The following ZC3H7B variants were observed in gnomAD, a reference collection of about 807,000 sequenced individuals.
ZC3H7B encodes zinc finger CCCH domain-containing protein 7B.
ZC3H7B carries 35 observed loss-of-function variants against 116.0 expected under a neutral mutation model. That is an observed-to-expected ratio of 0.30 (90% CI 0.23 to 0.40). The LOEUF (loss-of-function observed/expected upper bound fraction) is 0.40, where lower values mean the gene tolerates loss of function less well. Ranked by LOEUF, ZC3H7B falls within the 10% of genes least tolerant of loss-of-function variation. The pLI is 1.00. For synonymous variants in ZC3H7B, 502 were observed against 545.6 expected (o/e 0.92, Z 1.11); for missense variants, 1,011 against 1,321.5 (o/e 0.77, Z 3.64).
intron 1 of ZC3H7B, among the ~76,000 whole-genome samples, chr22:41,313,783 C>T (rs550605402): frequency 6.6e-6 from 1 of 152,122 alleles, no homozygotes; most frequent in African/African-American, 2.4e-5. Context: ...CTCTCTGTCG[C>T]TCAGGCTGGA....
intron 7 of ZC3H7B, chr22:41,336,188 G>A (rs1323397406): frequency 1.3e-5 from 2 of 152,292 alleles, no homozygotes; most frequent in Non-Finnish European, 2.9e-5. Flanking sequence ...GGGAACTGTT[G>A]AACGAAACAG....
In ZC3H7B at chr22:41,333,590, C is replaced by T. The variant is rs550421789; in HGVS notation, c.582+1363C>T. ...GCAGTGAGCCGAGATCGCGCCATTA[C>T]ACTCCAGCCTGAGAGACAGAATGAG... is the stretch of plus-strand genomic sequence containing the variant. On this transcript the variant is annotated intron_variant, in intron 7 of 22. Transcript: ENST00000352645. 2.6e-5 allele frequency: 4 copies of T among 152,266 alleles called. No homozygotes were observed. In the Middle Eastern group the frequency reaches 0.01, roughly 388 times the overall value. 9.4% of individuals were successfully genotyped at this position (152,266 alleles called of 1,614,324 possible). A position where few individuals can be genotyped will look rare whatever the true frequency, so the allele number is the denominator to read the frequency against.
Position 41,355,040 on chromosome 22 carries a change from T to C in ZC3H7B, c.2035-429T>C, listed in dbSNP as rs551727268. Reference sequence around the variant, plus strand: ...TGTGGGAGCTCACTGAATGGACAGCTGCAGCTTAGGAGAGCTCCGGGGCAG... The same window carrying C: ...TGTGGGAGCTCACTGAATGGACAGCCGCAGCTTAGGAGAGCTCCGGGGCAG... On this transcript the variant is annotated intron_variant, in intron 17 of 22. Transcript: ENST00000352645. 1.2e-4 allele frequency among the ~76,000 whole-genome samples: 19 copies of C among 152,324 alleles called. 1 individual carries two copies. The East Asian group carries it at 1.9e-3, about 15-fold the overall frequency.
At position 41,349,082 on chromosome 22, in the gene ZC3H7B, G is replaced by A. The variant is rs768567444; in HGVS notation, c.1767-38G>A. The stretch of plus-strand genomic sequence containing the variant: ...CAGGAGAGAAGGTCAGAGGGGCTGC[G>A]GACTGCATCGTGCCCCTCCTGCCTG... On this transcript the variant is annotated intron_variant, in intron 15 of 22. Transcript: ENST00000352645. This position sits in a 1 kb window ranked among gnomAD's most constrained non-coding sequence, Gnocchi z 4.9. 1.4e-5 allele frequency: 22 copies of A among 1,605,778 alleles called. No individual in the cohort carries two copies. The highest frequency in any genetic ancestry group is 4.4e-5 in the South Asian group (4 of 90,280).
At chr22:41,341,228 C>A in intron 11 of ZC3H7B, 82 bp downstream of exon 11, 1 of 1,545,768 alleles carries the variant, frequency 6.5e-7, no homozygotes, top group Non-Finnish European at 8.9e-7. Flanking sequence ...GAGCCCTCTG[C>A]ATGGGGTAAG....
chr22:41,356,160 C>T, intron 20 of ZC3H7B, 98 bp downstream of exon 20: 1 of 1,436,894 alleles, frequency 7.0e-7, no homozygotes, highest in Non-Finnish European at 9.3e-7. Context: ...CACTGCACCC[C>T]TTTGCTACCT....
At chr22:41,304,253 C>A (rs530713498) in intron 1 of ZC3H7B, among the ~76,000 whole-genome samples, 1 of 151,768 alleles carries the variant, frequency 6.6e-6, no homozygotes, top group East Asian at 1.9e-4. Context: ...TTGACAGAGT[C>A]TCACTCTGTT....
intron 21 of ZC3H7B, 39 bp downstream of exon 21, chr22:41,356,515 G>A: frequency 6.2e-7 from 1 of 1,612,924 alleles, no homozygotes; most frequent in Non-Finnish European, 8.5e-7. Context: ...CTGCGGTCGG[G>A]GCTGTGGTCT....
At chr22:41,328,841 C>T (rs1276630684) in intron 5 of ZC3H7B, among the ~76,000 whole-genome samples, 1 of 151,620 alleles carries the variant, frequency 6.6e-6, no homozygotes, top group Non-Finnish European at 1.5e-5. Context: ...GATTGTTTGG[C>T]GATAGAAACA....
At chr22:41,347,361 C>T (rs1445340250) in intron 14 of ZC3H7B, among the ~76,000 whole-genome samples, 4 of 152,260 alleles carry the variant, frequency 2.6e-5, no homozygotes, top group African/African-American at 4.8e-5. Flanking sequence ...GTGGCCATTG[C>T]GCTTCCCTGC....
chr22:41,314,266 C>T (rs1386286395), intron 1 of ZC3H7B, among the ~76,000 whole-genome samples: 2 of 150,624 alleles, frequency 1.3e-5, no homozygotes, highest in African/African-American at 2.4e-5. Context: ...AAGCAATTCT[C>T]CTGCCTCAGC....
At chr22:41,325,422 G>C in intron 2 of ZC3H7B, 142 bp from the exon 3 acceptor site, 1 of 1,109,854 alleles carries the variant, frequency 9.0e-7, no homozygotes, top group Non-Finnish European at 1.3e-6. Context: ...GCATGGCAAT[G>C]ATTTAGGAGA....
Position 41,332,166 on chromosome 22 carries a change from G to T in ZC3H7B, c.526-5G>T. 1 of 1,614,100 alleles carries T rather than the reference G, an allele frequency of 6.2e-7. No homozygotes were observed. The highest frequency in any genetic ancestry group is 1.1e-5 in the South Asian group (1 of 91,070). On this transcript the variant is annotated splice_polypyrimidine_tract_variant and splice_region_variant and intron_variant, in intron 6 of 22. Coordinates refer to ENST00000352645, the MANE Select transcript of ZC3H7B (RefSeq NM_017590.6). ...CTCTGCCCACCTCTCTCCAATCTCT[G>T]GCAGGAATTGGAAACCTTTTCTCTG...
intron 11 of ZC3H7B, 41 bp downstream of exon 11, chr22:41,341,187 C>T: frequency 6.2e-7 from 1 of 1,611,476 alleles, no homozygotes; most frequent in South Asian, 1.1e-5. Context: ...TCATTCCCTG[C>T]TGGGGGTTGT....
In ZC3H7B at chr22:41,357,444, C is replaced by T. The variant is rs751384873; in HGVS notation, c.*15C>T. ...CTGGGGAGTAGGGCCAGGTGTTGGC[C>T]GTGGGTGAAGTCCTGGGGTCAGGGG... On this transcript the variant is annotated 3_prime_UTR_variant, in exon 23 of 23. Coordinates refer to ENST00000352645, the MANE Select transcript of ZC3H7B (RefSeq NM_017590.6). The surrounding 1 kb of genome is among the most constrained non-coding windows in gnomAD (Gnocchi z 5.4). 61 of 1,350,286 alleles carry T rather than the reference C, an allele frequency of 4.5e-5. No homozygotes were observed. Among genetic ancestry groups the T allele is most frequent in the Non-Finnish European group, 5.6e-5 (57 of 1,016,968 alleles). 83.6% of individuals were successfully genotyped at this position (1,350,286 alleles called of 1,614,324 possible).
At chr22:41,316,721 C>T (rs1414440241) in intron 1 of ZC3H7B, among the ~76,000 whole-genome samples, 3 of 151,470 alleles carry the variant, frequency 2.0e-5, no homozygotes, top group East Asian at 3.9e-4. Context: ...GTTGCCCAGG[C>T]TGTAGTGCAA....
chr22:41,351,512 C>A lies in ZC3H7B; in HGVS notation c.1949-49C>A. ...ACCTCGTGGACCCCCTGCCTCCCTC[C>A]TTGCTGAGCACCTTGAAAGATGCCT... On this transcript the variant is annotated intron_variant, in intron 16 of 22. Transcript: ENST00000352645. This position sits in a 1 kb window ranked among gnomAD's most constrained non-coding sequence, Gnocchi z 5.1. The A allele has an allele frequency of 6.4e-7, 1 of 1,567,576 alleles. No homozygotes were observed. Among genetic ancestry groups the A allele is most frequent in the Non-Finnish European group, 8.7e-7 (1 of 1,153,056 alleles).
At chr22:41,350,738 G>A (rs1265881087) in intron 16 of ZC3H7B, among the ~76,000 whole-genome samples, 1 of 152,228 alleles carries the variant, frequency 6.6e-6, no homozygotes, top group Non-Finnish European at 1.5e-5. Flanking sequence ...ACATGGAGAT[G>A]TTGGAAGCAG....
At chr22:41,353,049 C>T (rs2036673028) in intron 17 of ZC3H7B, among the ~76,000 whole-genome samples, 1 of 151,296 alleles carries the variant, frequency 6.6e-6, no homozygotes, top group Non-Finnish European at 1.5e-5. Flanking sequence ...CATTGACCTC[C>T]AGCCTGGGTG....
Sources: gnomAD v4.1 joint callset for allele counts (sites outside exome capture counted in the v4.1 genomes callset) on GRCh38, gnomAD v4.1.1 for gene constraint, Gnocchi (gnomAD v3.1) non-coding constraint, MANE v1.5 for transcripts, NCBI Gene and HGNC (gene_info 2026-07-23, HGNC 2026-07-21) for gene names.